Variants in DST observed in about 807,000 individuals in gnomAD.
DST encodes dystonin, also known as bullous pemphigoid antigen.
DST carries 253 observed loss-of-function variants against 875.2 expected under a neutral mutation model. The ratio of observed to expected loss-of-function variants is 0.29; its 90% CI spans 0.26 to 0.32. The LOEUF (loss-of-function observed/expected upper bound fraction) is 0.32. Among genes scored for constraint, DST ranks in the 10% least tolerant of loss-of-function variants. The probability of loss-of-function intolerance (pLI) is 1.00; values close to 1 mark genes in which losing one functional copy is unlikely to be tolerated. For synonymous variants in DST, 3,124 were observed against 3,197.1 expected (o/e 0.98, Z 0.77); for missense variants, 8,287 against 9,111.6 (o/e 0.91, Z 3.68).
At chr6:56,837,509 T>C (rs1295552755) in intron 4 of DST, among the ~76,000 whole-genome samples, 1 of 152,152 alleles carries the variant, frequency 6.6e-6, no homozygotes, top group African/African-American at 2.4e-5. Flanking sequence ...GCCAGAGTGC[T>C]CTTTCTAATA....
At position 56,635,621 on chromosome 6, in the gene DST, G is replaced by A. The variant is rs767323555; in HGVS notation, c.3154C>T (p.His1052Tyr). Residue 1052 changes from histidine to tyrosine, a missense_variant, in exon 24 of 104, where the codon CAC (histidine) becomes TAC (tyrosine). Around this residue, in one of 10 missense-constraint regions of DST, gnomAD observed 1,160 missense variants for 1,424.3 expected, o/e 0.81. Transcript: ENST00000680361. The stretch of plus-strand genomic sequence containing the variant: ...TCCTGAACAAGGTCTTCTAGCTTGT[G>A]AATGCTGCTTGATCTATCACAGCTG... The part of the protein sequence containing the change: ...KYSCDRSSSI[H>Y]KLEDLVQESM... The A allele has an allele frequency of 4.3e-6, 7 of 1,613,994 alleles. No homozygotes were observed. Among genetic ancestry groups the A allele is most frequent in the Non-Finnish European group, 5.9e-6 (7 of 1,179,920 alleles).
intron 36 of DST, chr6:56,615,481 G>A: frequency 1.9e-6 from 3 of 1,613,496 alleles, no homozygotes; most frequent in Non-Finnish European, 2.5e-6. Flanking sequence ...GAACCAGCCT[G>A]CATCACCCCT....
chr6:56,631,852 GT>G (rs2098784026), intron 29 of DST, 30 bp downstream of exon 29: 7 of 1,608,164 alleles, frequency 4.4e-6, no homozygotes, highest in African/African-American at 4.0e-5. Flanking sequence ...AAGAGAGTTA[GT>G]TTTTTTCCCA....
chr6:56,704,967 G>T (rs1457568437), intron 5 of DST, among the ~76,000 whole-genome samples: 1 of 152,098 alleles, frequency 6.6e-6, no homozygotes, highest in Non-Finnish European at 1.5e-5. Flanking sequence ...TTCTTATAAC[G>T]GAAGATTTTC....
At chr6:56,843,512 C>G (rs1027390908) in intron 4 of DST, 1 of 985,606 alleles carries the variant, frequency 1.0e-6, no homozygotes, top group African/African-American at 1.7e-5. Flanking sequence ...GGCGGGCGCC[C>G]GGACCCTCTG....
At chr6:56,940,223 CACACACACACACAT>C (rs991055620) in intron 2 of DST, among the ~76,000 whole-genome samples, 5 of 151,182 alleles carry the variant, frequency 3.3e-5, no homozygotes, top group African/African-American at 7.3e-5. Context: ...CACACACACA[CACACACACACACAT>C]ATATACATAT....
At chr6:56,507,417 C>A (rs557249290) in intron 75 of DST, among the ~76,000 whole-genome samples, 1 of 152,268 alleles carries the variant, frequency 6.6e-6, no homozygotes, top group East Asian at 1.9e-4. Flanking sequence ...CCTCAAGGGG[C>A]CCACACTACA....
chr6:56,763,684 TACACACACACACACAC>T (rs553580754), intron 4 of DST, among the ~76,000 whole-genome samples: 1,232 of 117,100 alleles, frequency 0.011, 24 homozygotes, highest in African/African-American at 0.036. Context: ...AAAATACCTA[TACACACACACACACAC>T]ACACACACAC....
chr6:56,587,841 C>A (rs2098190214), intron 49 of DST, among the ~76,000 whole-genome samples: 1 of 152,042 alleles, frequency 6.6e-6, no homozygotes, highest in South Asian at 2.1e-4. Context: ...AAATAAAATA[C>A]TTTACAGACA....
intron 4 of DST, chr6:56,843,423 TCAGCGAGCCCAGGGGCGGCGACGAG>T: frequency 9.4e-7 from 1 of 1,065,592 alleles, no homozygotes; most frequent in Non-Finnish European, 1.1e-6. Context: ...GCGGCAAATC[TCAGCGAGCCCAGGGGCGGCGACGAG>T]CAGCGCCACG....
At chr6:56,903,820 C>T (rs1028879998) in intron 2 of DST, among the ~76,000 whole-genome samples, 1 of 152,170 alleles carries the variant, frequency 6.6e-6, no homozygotes, top group Non-Finnish European at 1.5e-5. Flanking sequence ...TCCACCTTAA[C>T]ATTTTTTCTC....
At chr6:56,948,217 C>T (rs1417305699) in intron 2 of DST, among the ~76,000 whole-genome samples, 9 of 152,094 alleles carry the variant, frequency 5.9e-5, no homozygotes, top group South Asian at 2.1e-4. Flanking sequence ...CTTCAGCATA[C>T]GATTTTTTTT....
chr6:56,472,412 T>C (rs922094831), intron 93 of DST, among the ~76,000 whole-genome samples, 190 bp from the exon 94 acceptor site: 1 of 152,236 alleles, frequency 6.6e-6, no homozygotes, highest in Admixed American at 6.5e-5. Flanking sequence ...GATCACACAC[T>C]GTTCATGCAA....
intron 49 of DST, among the ~76,000 whole-genome samples, chr6:56,584,490 G>T (rs903787677): frequency 0.016 from 2,290 of 142,680 alleles, 101 homozygotes; most frequent in African/African-American, 0.064. Context: ...AAGGAGATTT[G>T]GGGCTGAGGC....
intron 10 of DST, among the ~76,000 whole-genome samples, chr6:56,653,571 G>T (rs2098987793): frequency 6.6e-6 from 1 of 152,086 alleles, no homozygotes; most frequent in Admixed American, 6.5e-5. Flanking sequence ...TGTAATCCCA[G>T]CTACTCGGGA....
intron 4 of DST, among the ~76,000 whole-genome samples, chr6:56,766,281 A>G (rs1039930554): frequency 7.2e-5 from 11 of 152,214 alleles, no homozygotes; most frequent in Admixed American, 6.5e-5. Flanking sequence ...TGTCCATGAC[A>G]TTTCCACATC....
intron 8 of DST, among the ~76,000 whole-genome samples, chr6:56,701,167 T>TA (rs993955321): frequency 3.5e-4 from 52 of 149,514 alleles, no homozygotes; most frequent in Admixed American, 1.3e-3. Context: ...TCAAACTATT[T>TA]AAAAAAAAAA....
chr6:56,576,094 T>C (rs1039965056), intron 50 of DST, among the ~76,000 whole-genome samples: 4 of 152,254 alleles, frequency 2.6e-5, no homozygotes, highest in Admixed American at 6.5e-5. Context: ...TCAATCATGC[T>C]TATGTAATGA....
intron 9 of DST, among the ~76,000 whole-genome samples, chr6:56,676,585 G>A (rs983938436): frequency 2.6e-5 from 4 of 151,896 alleles, no homozygotes; most frequent in African/African-American, 7.3e-5. Flanking sequence ...CATGTATAAT[G>A]CAGCATTATT....
Sources: gnomAD v4.1 joint callset for allele counts (sites outside exome capture counted in the v4.1 genomes callset) on GRCh38, gnomAD v4.1.1 for gene constraint, gnomAD v4.1.1 regional missense constraint, MANE v1.5 for transcripts, NCBI Gene and HGNC (gene_info 2026-07-23, HGNC 2026-07-21) for gene names.